PLEC: variants seen among roughly 807,000 people sequenced by gnomAD.
The protein encoded by PLEC is plectin.
PLEC carries 216 observed loss-of-function variants against 392.8 expected under a neutral mutation model. The observed-to-expected ratio is 0.55, with a 90% CI of 0.49 to 0.62. The LOEUF (loss-of-function observed/expected upper bound fraction) is 0.62. Among genes scored for constraint, PLEC ranks in the 20% least tolerant of loss-of-function variants. The pLI is 0.00. For missense variants in PLEC, 6,863 were observed against 6,563.4 expected (o/e 1.05, Z -1.58); for synonymous variants, 3,621 against 2,980.6 (o/e 1.21, Z -7.00).
At position 143,934,248 on chromosome 8, in the gene PLEC, A is replaced by AG. The variant is rs1408171151; in HGVS notation, c.1169+69dup. 8.7e-6 allele frequency: 14 copies of AG among 1,602,118 alleles called. No individual in the cohort carries two copies. The Admixed American group carries it at 1.3e-4, about 15-fold the overall frequency. On this transcript the variant is annotated intron_variant, in intron 11 of 31. Coordinates refer to ENST00000345136, the MANE Select transcript of PLEC (RefSeq NM_201384.3). ...TTCCCCCGCCGGGGGCGGGGCGGGG[A>AG]GGGGGGTTTCCTTCCCAGGCAGTGA...
chr8:143,924,026 T>A lies in PLEC; in HGVS notation c.5903A>T (p.Glu1968Val). Reference protein sequence around the residue: ...TLRSKEQAELEAARQRQLAAE... With the variant: ...TLRSKEQAELVAARQRQLAAE... ...CGCCAGCTGCCGCTGCCTCGCAGCC[T>A]CCAGCTCGGCCTGCTCCTTGCTGCG... is the stretch of plus-strand genomic sequence containing the variant. Residue 1968 changes from glutamate to valine, a missense_variant, in exon 31 of 32, where the codon GAG becomes GTG. Glu to Val is a moderately radical substitution (Grantham distance 121). Transcript: ENST00000345136. 1 of 1,592,094 alleles carries A rather than the reference T, an allele frequency of 6.3e-7. No individual in the cohort carries two copies. The highest frequency in any genetic ancestry group is 8.5e-7 in the Non-Finnish European group (1 of 1,175,684).
At chr8:143,957,069 G>C (rs782332521), upstream of PLEC, among the ~76,000 whole-genome samples, 1 of 152,158 alleles carries the variant, frequency 6.6e-6, no homozygotes, top group Admixed American at 6.5e-5. Context: ...CAGCCGGGAG[G>C]GGGGCGCCTG....
rs2857834 is a variant in PLEC at position 143,920,303 on chromosome 8, G to A, written c.9518C>T (p.Ala3173Val). Reference protein sequence around the residue: ...LDEETSRALSAPRADAKAYSD... With the variant: ...LDEETSRALSVPRADAKAYSD... ...GTAGGCCTTGGCGTCGGCCCTTGGT[G>A]CCGACAGGGCCCTGCTGGTCTCCTC... Residue 3173 changes from alanine to valine, a missense_variant, in exon 32 of 32, where the codon GCA becomes GTA. Physicochemically the swap from Ala to Val is moderately conservative, Grantham distance 64. Coordinates refer to ENST00000345136, the MANE Select transcript of PLEC (RefSeq NM_201384.3). 6.3e-7 allele frequency: 1 copy of A among 1,589,854 alleles called. No homozygotes were observed. Among genetic ancestry groups the A allele is most frequent in the South Asian group, 1.1e-5 (1 of 89,680 alleles).
upstream of PLEC, among the ~76,000 whole-genome samples, chr8:143,951,608 A>C (rs906458627): frequency 6.6e-6 from 1 of 152,068 alleles, no homozygotes; most frequent in Admixed American, 6.5e-5. Context: ...GGGGGCTCAG[A>C]GGGGCCTCAA....
rs782236076 is a variant in PLEC at position 143,923,557 on chromosome 8, C to T, written c.6372G>A (p.Gln2124=). 6.3e-7 allele frequency: 1 copy of T among 1,597,734 alleles called. No individual in the cohort carries two copies. Among genetic ancestry groups the T allele is most frequent in the African/African-American group, 1.3e-5 (1 of 74,726 alleles). Residue 2124 remains glutamine (Q), a synonymous_variant, in exon 31 of 32, where the codon CAG becomes CAA. Coordinates refer to ENST00000345136, the MANE Select transcript of PLEC (RefSeq NM_201384.3). ...CCTGTGCCTGAGCCCGGGCCTGTGC[C>T]TGCTCCTCTGCCGACTGCTTCAGCC... ...AERLKQSAEE[Q]AQARAQAQAA...
chr8:143,947,967 T>C (rs1831694836), intron 1 of PLEC, among the ~76,000 whole-genome samples: 1 of 152,182 alleles, frequency 6.6e-6, no homozygotes, highest in Non-Finnish European at 1.5e-5. Context: ...TGATTGCTTC[T>C]GAAGCCACCT....
chr8:143,931,747 A>G, intron 18 of PLEC, 88 bp from the exon 19 acceptor site: 1 of 1,547,072 alleles, frequency 6.5e-7, no homozygotes, highest in Non-Finnish European at 8.7e-7. Flanking sequence ...AGACGGGGGC[A>G]CTGAGGAAGG....
upstream of PLEC, among the ~76,000 whole-genome samples, chr8:143,976,537 C>T (rs1193940764): frequency 6.6e-6 from 1 of 152,104 alleles, no homozygotes; most frequent in African/African-American, 2.4e-5. Context: ...TCCAGTTCCG[C>T]AGTCTCGGGC....
chr8:143,972,880 T>G (rs919593905), intron 1 of PLEC, among the ~76,000 whole-genome samples: 1 of 152,154 alleles, frequency 6.6e-6, no homozygotes, highest in East Asian at 1.9e-4. Context: ...CCCTGACCCC[T>G]AGCCCACAGC....
Position 143,922,684 on chromosome 8 carries a change from C to G in PLEC, c.7245G>C (p.Glu2415Asp). The change falls in exon 31 of 32, where the codon GAG becomes GAC. Residue 2415 changes from glutamate to aspartate, a missense_variant. Coordinates refer to ENST00000345136, the MANE Select transcript of PLEC (RefSeq NM_201384.3). ...RFRKQAEEIG[E>D]KLHRTELATQ... The stretch of plus-strand genomic sequence containing the variant: ...TGGCGAGCTCCGTGCGGTGCAGCTT[C>G]TCACCGATCTCCTCCGCCTGCTTCC... The G allele has an allele frequency of 1.2e-6, 2 of 1,613,100 alleles. No individual in the cohort carries two copies. Among genetic ancestry groups the G allele is most frequent in the Non-Finnish European group, 1.7e-6 (2 of 1,179,896 alleles).
chr8:143,974,232 A>G (rs1554745327), upstream of PLEC, among the ~76,000 whole-genome samples: 1 of 152,220 alleles, frequency 6.6e-6, no homozygotes, highest in African/African-American at 2.4e-5. This position sits in a 1 kb window ranked among gnomAD's most constrained non-coding sequence, Gnocchi z 5.9. Flanking sequence ...GCTGGGGGCA[A>G]AGCCTTTGCA....
chr8:143,950,254 C>A, exon 1 of PLEC: 1 of 1,570,780 alleles, frequency 6.4e-7, no homozygotes, highest in South Asian at 1.2e-5. Context: ...CCACAGGGGT[C>A]TCAGGTGACA....
At position 143,923,486 on chromosome 8, in the gene PLEC, C is replaced by A; in HGVS notation, c.6443G>T (p.Arg2148Leu). 6.2e-7 allele frequency: 1 copy of A among 1,601,182 alleles called. No individual in the cohort carries two copies. Among genetic ancestry groups the A allele is most frequent in the Non-Finnish European group, 8.5e-7 (1 of 1,175,536 alleles). ...GGCCGCCTGCTCCGCCTGTGCCCGCCGCGCCGCCTCTTGCTCGGCCTCCTT... is the reference window on the plus strand; with the variant it reads ...GGCCGCCTGCTCCGCCTGTGCCCGCAGCGCCGCCTCTTGCTCGGCCTCCTT... ...LRKEAEQEAA[R>L]RAQAEQAALR... is the part of the protein sequence containing the mutation. The change falls in exon 31 of 32, where the codon CGG becomes CTG. Residue 2148 changes from arginine (R) to leucine (L), a missense_variant. Physicochemically the swap from Arg to Leu is moderately radical, Grantham distance 102. Coordinates refer to ENST00000345136, the MANE Select transcript of PLEC (RefSeq NM_201384.3).
At chr8:143,968,389 G>A (rs1342983804) in intron 1 of PLEC, among the ~76,000 whole-genome samples, 4 of 151,850 alleles carry the variant, frequency 2.6e-5, no homozygotes, top group African/African-American at 7.3e-5. Context: ...GGCCAATATG[G>A]CGAAGCCCCA....
At position 143,950,229 on chromosome 8, in the gene PLEC, G is replaced by A; in HGVS notation, c.478C>T (p.Gln160Ter). ...GGGCCTGGCCTGGCCAGGGTCCGCT[G>A]GGTGGTAGCAGGCACCACAGGGGTC... Residue 160 changes from glutamine (Q) to a stop codon, truncating the protein, a stop_gained, in exon 1 of 32, where the codon CAG becomes TAG. Coordinates refer to the PLEC transcript ENST00000322810. LOFTEE classifies it high-confidence loss of function. The A allele has an allele frequency of 6.4e-7, 1 of 1,557,826 alleles. No homozygotes were observed. Among genetic ancestry groups the A allele is most frequent in the South Asian group, 1.2e-5 (1 of 85,502 alleles).
rs1260032030 is a variant in PLEC at position 143,969,331 on chromosome 8, C to G, written c.70+4072G>C. Among the ~76,000 whole-genome samples, 2 of 152,218 alleles carry G rather than the reference C, an allele frequency of 1.3e-5. No homozygotes were observed. Among genetic ancestry groups the G allele is most frequent in the African/African-American group, 4.8e-5 (2 of 41,444 alleles). On this transcript the variant is annotated intron_variant, in intron 1 of 31. Transcript: ENST00000356346. This position sits in a 1 kb window ranked among gnomAD's most constrained non-coding sequence, Gnocchi z 5.1. ...CCCCCCCATTCTCCCTGTCCCCCAT[C>G]CAGGGCAGATTCCTCTGGGGCTGAG...
intron 25 of PLEC, among the ~76,000 whole-genome samples, chr8:143,928,741 A>G (rs1456381466): frequency 3.3e-5 from 5 of 152,198 alleles, no homozygotes; most frequent in African/African-American, 1.2e-4. Context: ...AGAGGCCCTT[A>G]AGTCCAGGCC....
In PLEC at chr8:143,916,573, C is replaced by A; in HGVS notation, c.13248G>T (p.Thr4416=). ...VPLDEALQRG[T]VDARTAQKLR... ...GCTTCTGTGCGGTGCGGGCGTCCAC[C>A]GTGCCGCGCTGCAGGGCCTCGTCCA... Residue 4416 remains threonine (T), a synonymous_variant, in exon 32 of 32, where the codon ACG becomes ACT. Transcript: ENST00000345136. 6.2e-7 allele frequency: 1 copy of A among 1,611,542 alleles called. No homozygotes were observed.
upstream of PLEC, among the ~76,000 whole-genome samples, chr8:143,953,446 G>GC (rs1554738000): frequency 6.8e-6 from 1 of 146,502 alleles, no homozygotes; most frequent in Non-Finnish European, 1.5e-5. Context: ...CCCTGTCCCC[G>GC]CCCCGCCGCC....
Sources: allele counts gnomAD v4.1 joint callset (sites outside exome capture counted in the v4.1 genomes callset), GRCh38; gene constraint gnomAD v4.1.1; non-coding constraint Gnocchi (gnomAD v3.1); transcripts MANE v1.5; gene names NCBI Gene and HGNC (gene_info 2026-07-23, HGNC 2026-07-21).